The following FAAH2 variants were observed in gnomAD, a reference collection of about 807,000 sequenced individuals.
FAAH2 encodes the protein fatty-acid amide hydrolase 2.
A neutral mutation model predicts 36.9 loss-of-function variants in FAAH2; 60 were observed. The ratio of observed to expected loss-of-function variants is 1.63; its 90% CI spans 1.32 to 2.02. The LOEUF (loss-of-function observed/expected upper bound fraction) is 2.02, where lower values mean the gene tolerates loss of function less well. FAAH2 is among the 30% of genes most tolerant of loss of function. The pLI is 0.00. For synonymous variants in FAAH2, 214 were observed against 143.8 expected, an observed-to-expected ratio of 1.49 and a Z score of -3.49; for missense variants, 689 against 397.5, an observed-to-expected ratio of 1.73 and a Z score of -6.23.
At chrX:57,142,676 A>G in the FAAH2 span, among the ~76,000 whole-genome samples, 2 of 111,396 alleles carry the variant, frequency 1.8e-5, no homozygotes, top group Non-Finnish European at 3.8e-5. Flanking sequence ...TTTTGTCTAG[A>G]TGATCTTTAC....
At chrX:57,189,487 C>T in the FAAH2 span, among the ~76,000 whole-genome samples, 2 of 109,629 alleles carry the variant, frequency 1.8e-5, no homozygotes, top group Non-Finnish European at 3.8e-5. Flanking sequence ...GAATTTTCAG[C>T]ATTTTGGCAC....
At chrX:57,193,910 A>G in the FAAH2 span, among the ~76,000 whole-genome samples, 1 of 111,631 alleles carries the variant, frequency 9.0e-6, no homozygotes, top group African/African-American at 3.3e-5. Context: ...GTATTGTTGA[A>G]TTTGGTTTGC....
In FAAH2 at chrX:57,303,522, G is replaced by A. The variant is rs753012027; in HGVS notation, c.276-7071G>A. ...TTTACTGAGTGGCTCTTCTGTGCTA[G>A]GTACTGTGTTTATGCATTATGACAT... On this transcript the variant is annotated intron_variant, in intron 2 of 10. Transcript: ENST00000374900. Among the ~76,000 whole-genome samples, 7 of 112,157 alleles carry A rather than the reference G, an allele frequency of 6.2e-5. No homozygotes were observed. The South Asian group carries it at 2.6e-3, about 41-fold the overall frequency.
At chrX:57,313,826 C>G (rs1283031284) in intron 3 of FAAH2, among the ~76,000 whole-genome samples, 1 of 110,808 alleles carries the variant, frequency 9.0e-6, no homozygotes, top group East Asian at 2.8e-4. Context: ...CTTGCATGCA[C>G]TATAAAACAA....
the FAAH2 span, among the ~76,000 whole-genome samples, chrX:57,221,256 C>G: frequency 1.8e-5 from 2 of 111,287 alleles, no homozygotes; most frequent in Non-Finnish European, 3.8e-5. Flanking sequence ...CCCATAGTAC[C>G]CAACACATCA....
chrX:57,413,669 T>G (rs2055760128), intron 7 of FAAH2, among the ~76,000 whole-genome samples: 2 of 112,222 alleles, frequency 1.8e-5, no homozygotes, highest in South Asian at 7.4e-4. Context: ...TTTGTTCATT[T>G]TGCTTAGGAT....
chrX:57,162,264 C>G, the FAAH2 span, among the ~76,000 whole-genome samples: 43 of 111,725 alleles, frequency 3.8e-4, no homozygotes, highest in African/African-American at 1.3e-3. Context: ...TTGAGGGTAA[C>G]CCAACCTTTC....
chrX:57,452,349 C>A, intron 10 of FAAH2: 1 of 749,888 alleles, frequency 1.3e-6, no homozygotes, highest in Non-Finnish European at 1.6e-6. Context: ...TCAAGAGTCC[C>A]TCTTGTACCC....
At chrX:57,420,927 T>C (rs1248448395) in intron 7 of FAAH2, among the ~76,000 whole-genome samples, 1 of 112,241 alleles carries the variant, frequency 8.9e-6, no homozygotes, top group Non-Finnish European at 1.9e-5. Context: ...GTTTTTAGCA[T>C]GAAGGGTTGT....
intron 3 of FAAH2, among the ~76,000 whole-genome samples, chrX:57,319,081 A>T (rs1376530421): frequency 8.9e-6 from 1 of 111,893 alleles, no homozygotes; most frequent in Admixed American, 9.5e-5. Context: ...ATGGGCAAAA[A>T]CTGGAAGCAT....
chrX:57,367,955 C>A (rs1172337746), intron 5 of FAAH2, among the ~76,000 whole-genome samples: 1 of 111,897 alleles, frequency 8.9e-6, no homozygotes, highest in Non-Finnish European at 1.9e-5. Context: ...TAACTGGAGC[C>A]ACTGCTATAT....
chrX:57,184,293 G>A, the FAAH2 span, among the ~76,000 whole-genome samples: 6 of 111,434 alleles, frequency 5.4e-5, no homozygotes, highest in Admixed American at 5.7e-4. Flanking sequence ...TTTGAAGCAT[G>A]TGATCTTTAT....
At chrX:57,346,731 CTA>C (rs2053831813) in intron 5 of FAAH2, among the ~76,000 whole-genome samples, 1 of 111,467 alleles carries the variant, frequency 9.0e-6, no homozygotes, top group Admixed American at 9.6e-5. Flanking sequence ...TCTTTTGTTT[CTA>C]TGTTTGGCAC....
intron 5 of FAAH2, among the ~76,000 whole-genome samples, chrX:57,375,595 C>A (rs930259475): frequency 1.8e-5 from 2 of 110,374 alleles, no homozygotes; most frequent in Non-Finnish European, 3.8e-5. Flanking sequence ...TCTAATTGAG[C>A]TTCTTTTCTC....
At chrX:57,190,204 G>A in the FAAH2 span, among the ~76,000 whole-genome samples, 29 of 109,770 alleles carry the variant, frequency 2.6e-4, no homozygotes, top group East Asian at 2.0e-3. Context: ...GCGCTGTCAC[G>A]GGAAAACTGC....
At chrX:57,212,953 A>G in the FAAH2 span, among the ~76,000 whole-genome samples, 2 of 111,413 alleles carry the variant, frequency 1.8e-5, no homozygotes, top group African/African-American at 6.5e-5. Flanking sequence ...CATCTGGTCC[A>G]GGTTTGTTGT....
At chrX:57,127,248 C>G in the FAAH2 span, 1 of 111,215 alleles carries the variant, frequency 9.0e-6, no homozygotes, top group African/African-American at 3.3e-5. Context: ...GCTCCCATAT[C>G]AGGAAATGGG....
At chrX:57,317,227 A>G (rs971877136) in intron 3 of FAAH2, among the ~76,000 whole-genome samples, 12 of 112,451 alleles carry the variant, frequency 1.1e-4, no homozygotes, top group African/African-American at 3.5e-4. Context: ...CTGGCAAATT[A>G]AATAAAGAGC....
chrX:57,332,489 A>G (rs1286111522), intron 4 of FAAH2, among the ~76,000 whole-genome samples: 2 of 112,287 alleles, frequency 1.8e-5, no homozygotes, highest in Admixed American at 9.5e-5. Flanking sequence ...CACTCTTCCC[A>G]AAACTGAATG....
Sources: gnomAD v4.1 joint callset for allele counts (sites outside exome capture counted in the v4.1 genomes callset) on GRCh38, gnomAD v4.1.1 for gene constraint, MANE v1.5 for transcripts, NCBI Gene and HGNC (gene_info 2026-07-23, HGNC 2026-07-21) for gene names.